SLC30A3: variants seen among roughly 807,000 people sequenced by gnomAD.
SLC30A3 encodes solute carrier family 30 member 3.
In SLC30A3, 20 loss-of-function variants were observed where a neutral mutation model predicts 35.6. The observed-to-expected ratio is 0.56, with a 90% CI of 0.39 to 0.82. SLC30A3 has a LOEUF of 0.82. Among genes scored for constraint, SLC30A3 ranks in the 40% least tolerant of loss-of-function variants. SLC30A3 has a pLI of 0.00. For synonymous variants in SLC30A3, 217 were observed against 224.7 expected, an observed-to-expected ratio of 0.97 and a Z score of 0.31; for missense variants, 401 against 530.6, an observed-to-expected ratio of 0.76 and a Z score of 2.40.
In SLC30A3 at chr2:27,255,077, G is replaced by C. The variant is rs368459411; in HGVS notation, c.*235C>G. On this transcript the variant is annotated 3_prime_UTR_variant, in exon 8 of 8. Transcript: ENST00000233535. The surrounding 1 kb of genome is among the most constrained non-coding windows in gnomAD (Gnocchi z 5.2). ...GCCACACTGAGGCCTGGGAGTCCCC[G>C]CCCCTGAACTAGTCACATCTATTCC... The C allele has an allele frequency of 8.8e-6, 13 of 1,469,252 alleles. No individual in the cohort carries two copies. The South Asian group carries it at 1.7e-4, about 19-fold the overall frequency. 91.0% of individuals were successfully genotyped at this position (1,469,252 alleles called of 1,614,324 possible).
At position 27,263,028 on chromosome 2, in the gene SLC30A3, T is replaced by C; in HGVS notation, c.-122A>G. The C allele has an allele frequency of 7.2e-7, 1 of 1,385,956 alleles. No individual in the cohort carries two copies. Among genetic ancestry groups the C allele is most frequent in the Non-Finnish European group, 9.3e-7 (1 of 1,076,814 alleles). The allele number at this position is 1,385,956 out of a possible 1,614,324, so 85.9% of individuals were successfully genotyped here. On this transcript the variant is annotated 5_prime_UTR_variant, in exon 1 of 8. Coordinates refer to ENST00000233535, the MANE Select transcript of SLC30A3 (RefSeq NM_003459.5). ...CCGCAGGGCGGCGGGGCCACCAGAGTGGAGCGAACTGCAGCGACTGTGGCG... is the reference window on the plus strand; with the variant it reads ...CCGCAGGGCGGCGGGGCCACCAGAGCGGAGCGAACTGCAGCGACTGTGGCG...
At chr2:27,275,313 C>T in exon 1 of SLC30A3, 4 of 920,590 alleles carry the variant, frequency 4.3e-6, no homozygotes, top group Non-Finnish European at 4.7e-6. Flanking sequence ...AACGCTCCTA[C>T]GCTGCCTTGG....
upstream of SLC30A3, among the ~76,000 whole-genome samples, chr2:27,265,326 G>A (rs1247174755): frequency 6.6e-6 from 1 of 152,216 alleles, no homozygotes; most frequent in East Asian, 1.9e-4. The surrounding 1 kb of genome is among the most constrained non-coding windows in gnomAD (Gnocchi z 5.9). Flanking sequence ...CCGGCGGTGG[G>A]AATACCAACC....
upstream of SLC30A3, among the ~76,000 whole-genome samples, chr2:27,264,808 C>G (rs1677423069): frequency 2.6e-5 from 4 of 152,350 alleles, no homozygotes; most frequent in Admixed American, 2.0e-4. The surrounding 1 kb of genome is among the most constrained non-coding windows in gnomAD (Gnocchi z 6.1). Context: ...AGGAAACCAC[C>G]GGCCAAGTTC....
Position 27,262,591 on chromosome 2 carries a change from C to T in SLC30A3, c.95+221G>A, listed in dbSNP as rs1468102101. On this transcript the variant is annotated intron_variant, in intron 1 of 7. Coordinates refer to ENST00000233535, the MANE Select transcript of SLC30A3 (RefSeq NM_003459.5). This position sits in a 1 kb window ranked among gnomAD's most constrained non-coding sequence, Gnocchi z 7.5. ...CGCCGGCCGGAGGGGAGTGAGAGGC[C>T]GCTTCACCCGAGGAAGTCAGGCGGC... 6.6e-6 allele frequency among the ~76,000 whole-genome samples: 1 copy of T among 152,106 alleles called. No individual in the cohort carries two copies. Among genetic ancestry groups the T allele is most frequent in the East Asian group, 1.9e-4 (1 of 5,166 alleles).
intron 1 of SLC30A3, among the ~76,000 whole-genome samples, chr2:27,269,024 G>A (rs1319312905): frequency 6.6e-6 from 1 of 152,066 alleles, no homozygotes; most frequent in South Asian, 2.1e-4. Flanking sequence ...AGAGACAAAT[G>A]AAAGAGAGAT....
Position 27,258,069 on chromosome 2 carries a change from G to C in SLC30A3, c.425-11C>G, listed in dbSNP as rs183171684. 1.8e-4 allele frequency: 291 copies of C among 1,613,528 alleles called. No homozygotes were observed. Among genetic ancestry groups the C allele is most frequent in the Non-Finnish European group, 2.3e-4 (267 of 1,179,456 alleles). ...AAGCCCCCAGAGTCTCTGCGGGTGG[G>C]GGGGGAGACAAGCTGTCAGAGACCT... On this transcript the variant is annotated splice_polypyrimidine_tract_variant and intron_variant, in intron 3 of 7. Coordinates refer to ENST00000233535, the MANE Select transcript of SLC30A3 (RefSeq NM_003459.5). This position sits in a 1 kb window ranked among gnomAD's most constrained non-coding sequence, Gnocchi z 4.0.
chr2:27,260,173 A>G (rs1262845660), intron 1 of SLC30A3, among the ~76,000 whole-genome samples: 1 of 152,104 alleles, frequency 6.6e-6, no homozygotes, highest in Non-Finnish European at 1.5e-5. Context: ...CCTAGACATG[A>G]AGCTGAAGTG....
chr2:27,263,223 A>G, upstream of SLC30A3: 2 of 666,960 alleles, frequency 3.0e-6, no homozygotes, highest in South Asian at 2.2e-5. Context: ...CCGCCACCCG[A>G]GTTCTGGAGA....
intron 1 of SLC30A3, among the ~76,000 whole-genome samples, chr2:27,268,976 T>C (rs1002517153): frequency 1.3e-5 from 2 of 151,998 alleles, no homozygotes; most frequent in Non-Finnish European, 2.9e-5. Context: ...TGGAAATCCT[T>C]TAACTGGGGT....
Position 27,262,923 on chromosome 2 carries a change from C to T in SLC30A3, c.-17G>A. 1.3e-6 allele frequency: 2 copies of T among 1,535,694 alleles called. No homozygotes were observed. The highest frequency in any genetic ancestry group is 1.7e-6 in the Non-Finnish European group (2 of 1,150,444). ...GGGCTCCATGTTCCCGGTGCCCCGA[C>T]CGTCTAGGCCCCACCGAGGAAGAGA... is the stretch of plus-strand genomic sequence containing the variant. On this transcript the variant is annotated 5_prime_UTR_variant, in exon 1 of 8. Transcript: ENST00000233535. The surrounding 1 kb of genome is among the most constrained non-coding windows in gnomAD (Gnocchi z 7.5).
chr2:27,260,140 T>C (rs1218424863), intron 1 of SLC30A3, among the ~76,000 whole-genome samples: 1 of 152,096 alleles, frequency 6.6e-6, no homozygotes, highest in Non-Finnish European at 1.5e-5. Flanking sequence ...GAACCTCCAC[T>C]CCTGGATCCT....
chr2:27,270,795 G>A (rs1391532206), intron 1 of SLC30A3, among the ~76,000 whole-genome samples: 3 of 152,056 alleles, frequency 2.0e-5, no homozygotes, highest in Non-Finnish European at 4.4e-5. Context: ...TGAGATGTCT[G>A]GCCTGGGAAG....
At chr2:27,274,681 GAAAAGAA>G (rs1362368815) in intron 1 of SLC30A3, among the ~76,000 whole-genome samples, 4 of 148,324 alleles carry the variant, frequency 2.7e-5, no homozygotes, top group South Asian at 2.1e-4. Context: ...AAAAAAAAAA[GAAAAGAA>G]AAAAGAAAAA....
At position 27,258,422 on chromosome 2, in the gene SLC30A3, A is replaced by G; in HGVS notation, c.278-115T>C. 2.0e-6 allele frequency: 2 copies of G among 1,006,386 alleles called. No homozygotes were observed. The highest frequency in any genetic ancestry group is 2.8e-6 in the Non-Finnish European group (2 of 706,188). 62.3% of individuals were successfully genotyped at this position (1,006,386 alleles called of 1,614,324 possible). On this transcript the variant is annotated intron_variant, in intron 2 of 7. Transcript: ENST00000233535. The surrounding 1 kb of genome is among the most constrained non-coding windows in gnomAD (Gnocchi z 4.0). Reference sequence around the variant, plus strand: ...CAAAAATGTGATTTGGGGTTTTCTCAGGTGATGGGACTACAGGTATAATTA... The same window carrying G: ...CAAAAATGTGATTTGGGGTTTTCTCGGGTGATGGGACTACAGGTATAATTA...
In SLC30A3 at chr2:27,257,504, G is replaced by C. The variant is rs1676935594; in HGVS notation, c.579-152C>G. 1 of 737,726 alleles carries C rather than the reference G, an allele frequency of 1.4e-6. No homozygotes were observed. Among genetic ancestry groups the C allele is most frequent in the East Asian group, 2.7e-5 (1 of 36,910 alleles). 45.7% of individuals were successfully genotyped at this position (737,726 alleles called of 1,614,324 possible). On this transcript the variant is annotated intron_variant, in intron 4 of 7. Coordinates refer to ENST00000233535, the MANE Select transcript of SLC30A3 (RefSeq NM_003459.5). The surrounding 1 kb of genome is among the most constrained non-coding windows in gnomAD (Gnocchi z 4.7). ...GATAAACAATGCAGCCTGGGGGAAA[G>C]AATACCAGACTTGGTGCCACACATG...
intron 1 of SLC30A3, among the ~76,000 whole-genome samples, chr2:27,261,675 C>T (rs1304403574): frequency 6.6e-6 from 1 of 152,068 alleles, no homozygotes. Flanking sequence ...GTTTCCTCTC[C>T]CTGGCCCTCC....
At chr2:27,263,165 C>T (rs1677316920), upstream of SLC30A3, 9 of 1,242,064 alleles carry the variant, frequency 7.2e-6, no homozygotes, top group Non-Finnish European at 9.3e-6. Flanking sequence ...TTAAGCCCCG[C>T]CCCCACTGCC....
upstream of SLC30A3, among the ~76,000 whole-genome samples, chr2:27,264,746 G>A (rs1677419764): frequency 6.6e-6 from 1 of 152,222 alleles, no homozygotes. The surrounding 1 kb of genome is among the most constrained non-coding windows in gnomAD (Gnocchi z 6.1). Flanking sequence ...GGGACTTGAC[G>A]GACCTCTGTT....
Sources: allele counts gnomAD v4.1 joint callset (sites outside exome capture counted in the v4.1 genomes callset), GRCh38; gene constraint gnomAD v4.1.1; non-coding constraint Gnocchi (gnomAD v3.1); transcripts MANE v1.5; gene names NCBI Gene and HGNC (gene_info 2026-07-23, HGNC 2026-07-21).